Variants in KCNU1 observed in about 807,000 individuals in gnomAD.
The protein encoded by KCNU1 is potassium calcium-activated channel subfamily U member 1.
A neutral mutation model predicts 126.8 loss-of-function variants in KCNU1; 93 were observed. The ratio of observed to expected loss-of-function variants is 0.73; its 90% CI spans 0.62 to 0.87. The LOEUF (loss-of-function observed/expected upper bound fraction) is 0.87, where lower values mean the gene tolerates loss of function less well. Ranked by LOEUF, KCNU1 falls within the 40% of genes least tolerant of loss-of-function variation. The pLI, the probability that KCNU1 is intolerant of heterozygous loss-of-function variation, is 0.00. For missense variants in KCNU1, 1,330 were observed against 1,367.1 expected (o/e 0.97, Z 0.43); for synonymous variants, 523 against 494.2 (o/e 1.06, Z -0.77).
intron 19 of KCNU1, 33 bp downstream of exon 19, chr8:36,864,554 G>GT (rs756465712): frequency 4.0e-6 from 5 of 1,260,420 alleles, no homozygotes; most frequent in African/African-American, 2.9e-5. Flanking sequence ...GTCTCCTATA[G>GT]TTTTTTTGAG....
chr8:36,866,693 G>A (rs1321987752), intron 19 of KCNU1, among the ~76,000 whole-genome samples: 1 of 152,092 alleles, frequency 6.6e-6, no homozygotes, highest in Non-Finnish European at 1.5e-5. Context: ...TGATGCTTTT[G>A]TAAATGTAGA....
intron 24 of KCNU1, among the ~76,000 whole-genome samples, chr8:36,929,509 CAACT>C (rs1299142757): frequency 6.6e-6 from 1 of 150,908 alleles, no homozygotes; most frequent in Non-Finnish European, 1.5e-5. Flanking sequence ...TTCATACAAG[CAACT>C]AACTGTAAAA....
At chr8:36,831,940 A>G (rs970797686) in intron 10 of KCNU1, among the ~76,000 whole-genome samples, 5 of 152,168 alleles carry the variant, frequency 3.3e-5, no homozygotes, top group Non-Finnish European at 7.3e-5. Context: ...TTTTTGTATA[A>G]TGTGTGAGGA....
chr8:36,892,014 T>C (rs1806981275), intron 19 of KCNU1, among the ~76,000 whole-genome samples: 2 of 152,120 alleles, frequency 1.3e-5, no homozygotes, highest in South Asian at 4.1e-4. Context: ...ATTAAATATG[T>C]AAAATTTGTG....
intron 1 of KCNU1, among the ~76,000 whole-genome samples, chr8:36,784,961 G>A (rs141593672): frequency 1.3e-5 from 2 of 152,336 alleles, no homozygotes; most frequent in East Asian, 3.9e-4. Flanking sequence ...GTCATAGAAA[G>A]GAGGTGAAAG....
At chr8:36,786,342 A>T (rs1400872260) in intron 1 of KCNU1, among the ~76,000 whole-genome samples, 1 of 152,182 alleles carries the variant, frequency 6.6e-6, no homozygotes, top group Non-Finnish European at 1.5e-5. Flanking sequence ...AGGATTTTTT[A>T]AAATTAATTC....
At chr8:36,868,774 A>G (rs1806000073) in intron 19 of KCNU1, among the ~76,000 whole-genome samples, 1 of 152,180 alleles carries the variant, frequency 6.6e-6, no homozygotes, top group African/African-American at 2.4e-5. Context: ...GTATACAAAC[A>G]TTAGCTCTAT....
chr8:36,860,862 T>C (rs569510267), intron 18 of KCNU1, among the ~76,000 whole-genome samples: 1 of 151,062 alleles, frequency 6.6e-6, no homozygotes, highest in Non-Finnish European at 1.5e-5. Flanking sequence ...GTGGTCCAAA[T>C]ATGGATTTAT....
chr8:36,848,574 C>G (rs1252614787), intron 18 of KCNU1, among the ~76,000 whole-genome samples: 1 of 152,126 alleles, frequency 6.6e-6, no homozygotes, highest in East Asian at 1.9e-4. Context: ...ACTTCATTGG[C>G]CTAACGTCAT....
intron 19 of KCNU1, among the ~76,000 whole-genome samples, chr8:36,875,487 T>C (rs921853706): frequency 1.3e-5 from 2 of 150,708 alleles, no homozygotes; most frequent in Non-Finnish European, 3.0e-5. Flanking sequence ...ATTATATATA[T>C]ACTGGAAGAT....
chr8:36,878,995 A>G (rs2117389646), intron 19 of KCNU1, among the ~76,000 whole-genome samples: 1 of 147,914 alleles, frequency 6.8e-6, no homozygotes, highest in East Asian at 2.0e-4. Flanking sequence ...AAATTTACTT[A>G]GCAACTATGA....
chr8:36,788,010 A>T (rs990547550), intron 2 of KCNU1, among the ~76,000 whole-genome samples: 1 of 151,976 alleles, frequency 6.6e-6, no homozygotes, highest in African/African-American at 2.4e-5. Flanking sequence ...GTGCACATAG[A>T]TATTTTCAAA....
At chr8:36,828,322 A>G (rs1182923690) in intron 10 of KCNU1, among the ~76,000 whole-genome samples, 1 of 152,084 alleles carries the variant, frequency 6.6e-6, no homozygotes, top group East Asian at 1.9e-4. Context: ...CCAATGCATG[A>G]ACTCACCACC....
Position 36,814,193 on chromosome 8 carries a change from C to T in KCNU1, c.733-14C>T. 6.2e-7 allele frequency: 1 copy of T among 1,607,708 alleles called. No homozygotes were observed. Among genetic ancestry groups the T allele is most frequent in the South Asian group, 1.1e-5 (1 of 90,802 alleles). ...TCTATTCAGATGTTTCCTGAGTCTT[C>T]TCTCTTTGGACAGGTGGAAAATTCT... On this transcript the variant is annotated splice_polypyrimidine_tract_variant and intron_variant, in intron 7 of 26. Transcript: ENST00000399881.
rs544476653 is a variant in KCNU1 at position 36,803,921 on chromosome 8, T to C, written c.316-106T>C. 5.0e-5 allele frequency: 37 copies of C among 741,936 alleles called. 3 individuals are homozygous for C. The highest frequency in any genetic ancestry group is 3.5e-4 in the African/African-American group (20 of 57,208). The allele number at this position is 741,936 out of a possible 1,614,324, so 46.0% of individuals were successfully genotyped here. ...TAACATAAGTGAATATGTGAATAAA[T>C]GGCTACACGTACACAGGCATGGTAA... On this transcript the variant is annotated intron_variant, in intron 2 of 26. Transcript: ENST00000399881.
intron 18 of KCNU1, among the ~76,000 whole-genome samples, chr8:36,862,506 G>A (rs1447506046): frequency 2.0e-5 from 3 of 152,114 alleles, no homozygotes; most frequent in Non-Finnish European, 2.9e-5. Flanking sequence ...TTGACCTTCA[G>A]GTGGTCAACA....
chr8:36,931,488 G>A (rs772657047), intron 25 of KCNU1, among the ~76,000 whole-genome samples: 2 of 152,038 alleles, frequency 1.3e-5, no homozygotes, highest in Non-Finnish European at 2.9e-5. Flanking sequence ...AACAGCTAAT[G>A]TTTATTGAGT....
chr8:36,804,050 C>T lies in KCNU1; in HGVS notation c.339C>T (p.Ser113=). Reference sequence around the variant, plus strand: ...AGGTGATCCTTGTCTTTGTACTAAGCATTGGGTCTCTTATAATCTATTTCA... The same window carrying T: ...AGGTGATCCTTGTCTTTGTACTAAGTATTGGGTCTCTTATAATCTATTTCA... ...QVLVILVFVL[S]IGSLIIYFIN... The change falls in exon 3 of 27, where the codon AGC becomes AGT. Residue 113 remains serine (S), a synonymous_variant. Coordinates refer to ENST00000399881, the MANE Select transcript of KCNU1 (RefSeq NM_001031836.3). The T allele has an allele frequency of 1.3e-6, 2 of 1,559,374 alleles. No homozygotes were observed. The highest frequency in any genetic ancestry group is 1.7e-6 in the Non-Finnish European group (2 of 1,148,850).
chr8:36,889,714 G>A (rs1806879558), intron 19 of KCNU1, among the ~76,000 whole-genome samples: 3 of 152,078 alleles, frequency 2.0e-5, no homozygotes, highest in Admixed American at 2.0e-4. Context: ...AATGTTTGAA[G>A]TAATAGTAGC....
Sources: gnomAD v4.1 joint callset for allele counts (sites outside exome capture counted in the v4.1 genomes callset) on GRCh38, gnomAD v4.1.1 for gene constraint, MANE v1.5 for transcripts, NCBI Gene and HGNC (gene_info 2026-07-23, HGNC 2026-07-21) for gene names.